COBL: variants seen among roughly 807,000 people sequenced by gnomAD.
The protein encoded by COBL is cordon-bleu WH2 repeat protein, also known as protein cordon-bleu.
COBL carries 51 observed loss-of-function variants against 98.8 expected under a neutral mutation model. The observed-to-expected ratio is 0.52, with a 90% CI of 0.41 to 0.65. The LOEUF (loss-of-function observed/expected upper bound fraction) is 0.65, where lower values mean the gene tolerates loss of function less well. Ranked by LOEUF, COBL falls within the 30% of genes least tolerant of loss-of-function variation. The pLI, the probability that COBL is intolerant of heterozygous loss-of-function variation, is 0.00. For synonymous variants in COBL, 634 were observed against 651.7 expected, an observed-to-expected ratio of 0.97 and a Z score of 0.41; for missense variants, 1,617 against 1,617.5, an observed-to-expected ratio of 1.00 and a Z score of 0.01.
At chr7:51,081,061 A>C (rs1385709837) in intron 7 of COBL, among the ~76,000 whole-genome samples, 1 of 152,188 alleles carries the variant, frequency 6.6e-6, no homozygotes. Context: ...ATGCTTGAAC[A>C]TGTGGTGCGC....
intron 1 of COBL, among the ~76,000 whole-genome samples, chr7:51,300,989 C>T (rs1026711210): frequency 2.0e-5 from 3 of 152,176 alleles, no homozygotes; most frequent in Admixed American, 2.0e-4. Flanking sequence ...ACCGCTCCAT[C>T]AGCTGCCCTT....
chr7:51,040,363 G>A (rs1465373399), intron 8 of COBL, among the ~76,000 whole-genome samples: 1 of 152,128 alleles, frequency 6.6e-6, no homozygotes, highest in Admixed American at 6.6e-5. Context: ...AGACAGGGCT[G>A]AGGGACTCAA....
chr7:51,108,957 C>CACACACACA lies in COBL; in HGVS notation c.958-23654_958-23653insTGTGTGTGT, dbSNP rs869144573. The stretch of plus-strand genomic sequence containing the variant: ...ACACACACACACACACACACACACA[C>CACACACACA]CCCCTGCCCCATGAAGTTTACTGAA... On this transcript the variant is annotated intron_variant, in intron 6 of 12. Coordinates refer to ENST00000265136, the MANE Select transcript of COBL (RefSeq NM_015198.5). Among the ~76,000 whole-genome samples the CACACACACA allele has an allele frequency of 3.8e-4, 32 of 83,872 alleles. 1 individual carries two copies. Among genetic ancestry groups the CACACACACA allele is most frequent in the South Asian group, 1.4e-3 (4 of 2,828 alleles). 55.0% of individuals were successfully genotyped at this position (83,872 alleles called of 152,430 possible). A position where few individuals can be genotyped will look rare whatever the true frequency, so the allele number is the denominator to read the frequency against.
chr7:51,111,582 G>C (rs560191560), intron 6 of COBL, among the ~76,000 whole-genome samples: 2 of 152,092 alleles, frequency 1.3e-5, no homozygotes, highest in Non-Finnish European at 2.9e-5. Flanking sequence ...GTCCTCTCTC[G>C]CTGAACTGTC....
At chr7:51,210,097 G>A (rs1792268392) in intron 2 of COBL, among the ~76,000 whole-genome samples, 1 of 152,162 alleles carries the variant, frequency 6.6e-6, no homozygotes, top group African/African-American at 2.4e-5. Flanking sequence ...TCCACCTTGT[G>A]TGCCAAATGG....
intron 5 of COBL, among the ~76,000 whole-genome samples, chr7:51,157,265 T>C (rs1786260569): frequency 6.6e-6 from 1 of 152,092 alleles, no homozygotes; most frequent in Non-Finnish European, 1.5e-5. Flanking sequence ...CCCAGCTACC[T>C]GGGAGGCTGA....
intron 2 of COBL, among the ~76,000 whole-genome samples, chr7:51,218,155 C>T (rs1320141020): frequency 6.6e-6 from 1 of 152,210 alleles, no homozygotes; most frequent in Non-Finnish European, 1.5e-5. Context: ...AGGTATATTC[C>T]GAGGCCTCGA....
At position 51,316,771 on chromosome 7, in the gene COBL, G is replaced by A. The variant is rs1584485554; in HGVS notation, c.-138C>T. The A allele has an allele frequency of 4.9e-6, 3 of 608,544 alleles. No individual in the cohort carries two copies. Among genetic ancestry groups the A allele is most frequent in the East Asian group, 4.0e-5 (1 of 24,922 alleles). 37.7% of individuals were successfully genotyped at this position (608,544 alleles called of 1,614,324 possible). On this transcript the variant is annotated 5_prime_UTR_variant, in exon 1 of 13. Coordinates refer to ENST00000265136, the MANE Select transcript of COBL (RefSeq NM_015198.5). Reference sequence around the variant, plus strand: ...CCCACGCGGGCCGGCGGAGGACAGCGGCGGAGCGCGGCGGACGGAAGGGGC... The same window carrying A: ...CCCACGCGGGCCGGCGGAGGACAGCAGCGGAGCGCGGCGGACGGAAGGGGC...
At chr7:51,099,750 C>T (rs914572459) in intron 6 of COBL, among the ~76,000 whole-genome samples, 1 of 151,998 alleles carries the variant, frequency 6.6e-6, no homozygotes, top group Non-Finnish European at 1.5e-5. Flanking sequence ...AATTTTTTAA[C>T]CACCATTATT....
intron 1 of COBL, among the ~76,000 whole-genome samples, chr7:51,248,172 G>C (rs930940966): frequency 2.0e-5 from 3 of 152,166 alleles, no homozygotes; most frequent in African/African-American, 7.2e-5. Context: ...CTACCACTTT[G>C]AGGCACAAAA....
intron 7 of COBL, among the ~76,000 whole-genome samples, chr7:51,070,392 A>AACACACACACACACACACAC (rs369051694): frequency 0.033 from 4,605 of 138,844 alleles, 116 homozygotes; most frequent in East Asian, 0.044. Context: ...AAACAGTTAA[A>AACACACACACACACACACAC]ACACACACAC....
intron 7 of COBL, among the ~76,000 whole-genome samples, chr7:51,069,921 G>A (rs939369602): frequency 6.6e-6 from 1 of 152,160 alleles, no homozygotes; most frequent in Non-Finnish European, 1.5e-5. Context: ...AGGAAACAGT[G>A]TGTCCAGTCT....
At chr7:51,313,790 C>G (rs530319438) in intron 1 of COBL, among the ~76,000 whole-genome samples, 1 of 152,322 alleles carries the variant, frequency 6.6e-6, no homozygotes, top group South Asian at 2.1e-4. Flanking sequence ...GCAAAGTAAA[C>G]AGATAAAGTA....
At chr7:51,192,311 T>G (rs532096827) in intron 3 of COBL, among the ~76,000 whole-genome samples, 1 of 152,282 alleles carries the variant, frequency 6.6e-6, no homozygotes, top group African/African-American at 2.4e-5. Flanking sequence ...AAAGCCTTAT[T>G]TAAAAGTACA....
intron 5 of COBL, among the ~76,000 whole-genome samples, chr7:51,150,112 T>C (rs1785419901): frequency 6.6e-6 from 1 of 151,914 alleles, no homozygotes; most frequent in African/African-American, 2.4e-5. Flanking sequence ...CAAAAAACAC[T>C]GCAAGGGGAA....
intron 6 of COBL, among the ~76,000 whole-genome samples, chr7:51,121,899 T>C (rs1797769472): frequency 6.6e-6 from 1 of 152,192 alleles, no homozygotes; most frequent in Non-Finnish European, 1.5e-5. Context: ...ATACTGACTG[T>C]TGACGTGACT....
chr7:51,315,108 T>G (rs936876965), intron 1 of COBL, among the ~76,000 whole-genome samples: 4 of 152,234 alleles, frequency 2.6e-5, no homozygotes, highest in African/African-American at 9.6e-5. Flanking sequence ...TAATAGGCTA[T>G]GAAAGCCACA....
chr7:51,140,274 T>C (rs1047500180), intron 5 of COBL, among the ~76,000 whole-genome samples: 1 of 152,134 alleles, frequency 6.6e-6, no homozygotes, highest in African/African-American at 2.4e-5. Flanking sequence ...TCGAATTCAA[T>C]GGCGCCCACC....
intron 10 of COBL, 86 bp downstream of exon 10, chr7:51,027,626 C>G (rs1787702542): frequency 8.6e-7 from 1 of 1,157,580 alleles, no homozygotes; most frequent in Admixed American, 2.2e-5. Flanking sequence ...GTCTCTCTCT[C>G]TCCTCCGCTT....
Sources: gnomAD v4.1 joint callset for allele counts (sites outside exome capture counted in the v4.1 genomes callset) on GRCh38, gnomAD v4.1.1 for gene constraint, MANE v1.5 for transcripts, NCBI Gene and HGNC (gene_info 2026-07-23, HGNC 2026-07-21) for gene names.